Variants in HSD17B3 observed in about 807,000 individuals in gnomAD.
HSD17B3 encodes hydroxysteroid 17-beta dehydrogenase 3, also known as 17-beta-hydroxysteroid dehydrogenase type 3.
A neutral mutation model predicts 41.1 loss-of-function variants in HSD17B3; 29 were observed. The observed-to-expected ratio is 0.71, with a 90% CI of 0.53 to 0.96. The LOEUF (loss-of-function observed/expected upper bound fraction) is 0.96, where lower values mean the gene tolerates loss of function less well. HSD17B3 is among the 40% of genes least tolerant of loss of function. The pLI, the probability that HSD17B3 is intolerant of heterozygous loss-of-function variation, is 0.00. For missense variants in HSD17B3, 323 were observed against 374.6 expected (o/e 0.86, Z 1.14); for synonymous variants, 126 against 145.6 (o/e 0.87, Z 0.97).
At chr9:96,265,762 T>C (rs1826025395) in intron 2 of HSD17B3, among the ~76,000 whole-genome samples, 1 of 152,248 alleles carries the variant, frequency 6.6e-6, no homozygotes, top group African/African-American at 2.4e-5. Context: ...ATTGTAATCC[T>C]GGATTGCTTA....
At chr9:96,246,392 A>T in intron 7 of HSD17B3, 164 bp downstream of exon 7, 2 of 710,910 alleles carry the variant, frequency 2.8e-6, no homozygotes, top group Non-Finnish European at 5.0e-6. Flanking sequence ...GGCCTGGCCC[A>T]GAACGTTATG....
At position 96,302,037 on chromosome 9, in the gene HSD17B3, T is replaced by G; in HGVS notation, c.68A>C (p.Lys23Thr). 6.2e-7 allele frequency: 1 copy of G among 1,614,186 alleles called. No homozygotes were observed. Among genetic ancestry groups the G allele is most frequent in the South Asian group, 1.1e-5 (1 of 91,080 alleles). Reference protein sequence around the residue: ...GLLVCLACLAKCVRFSRCVLL... With the variant: ...GLLVCLACLATCVRFSRCVLL... ...AACACATCTGGAGAATCTCACGCAC[T>G]TCGCCAGGCAGGCCAGGCACACCAG... The change falls in exon 1 of 11, where the codon AAG becomes ACG. Residue 23 changes from lysine to threonine, a missense_variant. Physicochemically the swap from Lys to Thr is moderately conservative, Grantham distance 78 (BLOSUM62 -1). Coordinates refer to ENST00000375263, the MANE Select transcript of HSD17B3 (RefSeq NM_000197.2).
intron 5 of HSD17B3, 154 bp from the exon 6 acceptor site, chr9:96,249,940 G>T: frequency 1.3e-6 from 2 of 1,535,740 alleles, no homozygotes; most frequent in Non-Finnish European, 1.7e-6. Flanking sequence ...CTGCCTTCCA[G>T]CAAGCATGTA....
At position 96,298,676 on chromosome 9, in the gene HSD17B3, T is replaced by TGTTGGTTG. The variant is rs552741682; in HGVS notation, c.155-222_155-215dup. ...GGGTGGGTTGGTTGGTTGGTTGGTT[T>TGTTGGTTG]GTTGGTTGGTTGGTTGGTTGGTTAG... On this transcript the variant is annotated intron_variant, in intron 1 of 10. Coordinates refer to ENST00000375263, the MANE Select transcript of HSD17B3 (RefSeq NM_000197.2). Among the ~76,000 whole-genome samples the TGTTGGTTG allele has an allele frequency of 3.8e-3, 575 of 152,002 alleles. 5 individuals carry two copies. Among genetic ancestry groups the TGTTGGTTG allele is most frequent in the Middle Eastern group, 0.014 (4 of 294 alleles).
intron 5 of HSD17B3, 51 bp downstream of exon 5, chr9:96,251,367 G>T (rs1416021681): frequency 6.7e-7 from 1 of 1,501,894 alleles, no homozygotes; most frequent in Non-Finnish European, 9.3e-7. Context: ...CCAGCCAGGG[G>T]ACCCAGAACC....
At chr9:96,287,221 G>T (rs758302921) in intron 2 of HSD17B3, among the ~76,000 whole-genome samples, 32 of 152,136 alleles carry the variant, frequency 2.1e-4, no homozygotes, top group Non-Finnish European at 4.4e-4. Context: ...GTTCCCCACT[G>T]GCCAACCCAG....
At chr9:96,273,330 A>G (rs1826333094) in intron 2 of HSD17B3, among the ~76,000 whole-genome samples, 1 of 152,218 alleles carries the variant, frequency 6.6e-6, no homozygotes, top group Non-Finnish European at 1.5e-5. Flanking sequence ...AAGTTTCAGC[A>G]ATTCAGTGGA....
intron 2 of HSD17B3, among the ~76,000 whole-genome samples, chr9:96,293,926 G>T (rs572332500): frequency 7.2e-5 from 11 of 152,246 alleles, no homozygotes; most frequent in South Asian, 4.1e-4. Context: ...GTGAGCCTTG[G>T]AGGGAGGCTT....
chr9:96,274,266 C>G (rs922814768), intron 2 of HSD17B3, among the ~76,000 whole-genome samples: 1 of 152,098 alleles, frequency 6.6e-6, no homozygotes, highest in Non-Finnish European at 1.5e-5. Flanking sequence ...TGGTGAAACC[C>G]CATCTCTACT....
At chr9:96,244,735 T>C (rs900269222) in intron 8 of HSD17B3, among the ~76,000 whole-genome samples, 4 of 152,070 alleles carry the variant, frequency 2.6e-5, no homozygotes, top group Admixed American at 6.5e-5. Context: ...TCACAACATA[T>C]ACATATATTA....
In HSD17B3 at chr9:96,242,333, G is replaced by A. The variant is rs1587713551; in HGVS notation, c.673-1426C>T. 3.3e-5 allele frequency among the ~76,000 whole-genome samples: 5 copies of A among 152,278 alleles called. 1 individual carries two copies. The highest frequency in any genetic ancestry group is 3.3e-4 in the Admixed American group (5 of 15,294). Reference sequence around the variant, plus strand: ...ACAAAACACCTGTATGTACAAAATAGGGGCTCAATAAATATTGTTTAAACA... The same window carrying A: ...ACAAAACACCTGTATGTACAAAATAAGGGCTCAATAAATATTGTTTAAACA... On this transcript the variant is annotated intron_variant, in intron 9 of 10. Transcript: ENST00000375263.
intron 4 of HSD17B3, 95 bp downstream of exon 4, chr9:96,252,708 T>A: frequency 3.8e-6 from 3 of 790,478 alleles, no homozygotes; most frequent in Non-Finnish European, 6.9e-6. Context: ...ATGGTTTGAG[T>A]ATAAATCACC....
chr9:96,250,716 C>T (rs1836863079), intron 5 of HSD17B3, among the ~76,000 whole-genome samples: 1 of 151,954 alleles, frequency 6.6e-6, no homozygotes, highest in Non-Finnish European at 1.5e-5. Context: ...GTGAAACCCC[C>T]GTCTCTACTA....
rs1247262580 is a variant in HSD17B3, at chr9:96,245,398, A to G, written c.553T>C (p.Ser185Pro). Reference sequence around the variant, plus strand: ...GGCCAAGGAAACAGGGCTATCCCAGAAGAAATGTTCAGGATGAGACCTTTC... The same window carrying G: ...GGCCAAGGAAACAGGGCTATCCCAGGAGAAATGTTCAGGATGAGACCTTTC... ...RQKGLILNIS[S>P]GIALFPWPLY... Residue 185 changes from serine (S) to proline (P), a missense_variant, in exon 8 of 11, where the codon TCT becomes CCT. Ser to Pro is a moderately conservative substitution (Grantham distance 74). Transcript: ENST00000375263. The G allele has an allele frequency of 6.2e-7, 1 of 1,614,160 alleles. No individual in the cohort carries two copies. The highest frequency in any genetic ancestry group is 1.1e-5 in the South Asian group (1 of 91,088).
chr9:96,249,814 C>G (rs1230528799), intron 5 of HSD17B3, 28 bp from the exon 6 acceptor site: 5 of 1,613,866 alleles, frequency 3.1e-6, no homozygotes, highest in African/African-American at 1.3e-5. Flanking sequence ...AACCACACAT[C>G]AGCCGGATGA....
In HSD17B3 at chr9:96,301,946, C is replaced by G. The variant is rs199734603; in HGVS notation, c.154+5G>C. ...AAAAAAACATGAGATGGAACACTCC[C>G]TTACCTGCCCACTGTCCCATTGACC... On this transcript the variant is annotated splice_donor_5th_base_variant and intron_variant, in intron 1 of 10. Transcript: ENST00000375263. The G allele has an allele frequency of 3.1e-6, 5 of 1,613,926 alleles. No individual in the cohort carries two copies. The highest frequency in any genetic ancestry group is 3.4e-6 in the Non-Finnish European group (4 of 1,179,880).
chr9:96,253,616 C>T (rs1825514045), intron 3 of HSD17B3, among the ~76,000 whole-genome samples: 1 of 152,216 alleles, frequency 6.6e-6, no homozygotes, highest in African/African-American at 2.4e-5. Flanking sequence ...GCGCTCCCCA[C>T]TACTCTGTGT....
chr9:96,287,600 C>T (rs777215342), intron 2 of HSD17B3, among the ~76,000 whole-genome samples: 32 of 152,082 alleles, frequency 2.1e-4, no homozygotes, highest in Non-Finnish European at 4.3e-4. Context: ...GTCCCAGCTA[C>T]CAGGGAGGCT....
intron 2 of HSD17B3, among the ~76,000 whole-genome samples, chr9:96,257,947 A>T (rs775557107): frequency 6.6e-6 from 1 of 152,164 alleles, no homozygotes; most frequent in Non-Finnish European, 1.5e-5. Context: ...TACAGGGGTG[A>T]GCCACCCCAC....
Sources: gnomAD v4.1 joint callset for allele counts (sites outside exome capture counted in the v4.1 genomes callset) on GRCh38, gnomAD v4.1.1 for gene constraint, MANE v1.5 for transcripts, NCBI Gene and HGNC (gene_info 2026-07-23, HGNC 2026-07-21) for gene names.